TCF4: variants seen among roughly 807,000 people sequenced by gnomAD.
TCF4 encodes the protein transcription factor 4.
TCF4 carries 3 observed loss-of-function variants against 82.1 expected under a neutral mutation model. The ratio of observed to expected loss-of-function variants is 0.04; its 90% CI spans 0.02 to 0.09. TCF4 has a LOEUF of 0.09. TCF4 is among the 10% of genes least tolerant of loss of function. The probability of loss-of-function intolerance (pLI) is 1.00; values close to 1 mark genes in which losing one functional copy is unlikely to be tolerated. For missense variants in TCF4, 518 were observed against 852.7 expected (o/e 0.61, Z 4.89); for synonymous variants, 276 against 309.6 (o/e 0.89, Z 1.14).
chr18:55,410,122 T>C (rs2094283516), intron 5 of TCF4, among the ~76,000 whole-genome samples: 1 of 152,156 alleles, frequency 6.6e-6, no homozygotes, highest in East Asian at 1.9e-4. Context: ...ACTAGGCACA[T>C]AGCTTGTATG....
At chr18:55,383,716 A>G (rs1354539421) in intron 6 of TCF4, among the ~76,000 whole-genome samples, 1 of 152,244 alleles carries the variant, frequency 6.6e-6, no homozygotes. Context: ...ATGCTACTGC[A>G]TAAGAGATTC....
At chr18:55,433,059 C>T (rs576432398) in intron 5 of TCF4, among the ~76,000 whole-genome samples, 11 of 152,320 alleles carry the variant, frequency 7.2e-5, no homozygotes, top group Admixed American at 1.3e-4. Flanking sequence ...GTAGTGAATT[C>T]GGTAGTCATA....
At chr18:55,429,505 G>A (rs1166775829) in intron 5 of TCF4, among the ~76,000 whole-genome samples, 3 of 152,182 alleles carry the variant, frequency 2.0e-5, no homozygotes, top group Non-Finnish European at 4.4e-5. Context: ...GCTCACGCCT[G>A]TAATCCCAGC....
chr18:55,635,891 A>G (rs1384563135), exon 1 of TCF4: 1 of 1,570,048 alleles, frequency 6.4e-7, no homozygotes, highest in African/African-American at 1.4e-5. Context: ...AGCCTTTTAG[A>G]AAACATGGTG....
chr18:55,562,431 A>G (rs974261428), intron 3 of TCF4, among the ~76,000 whole-genome samples: 14 of 152,234 alleles, frequency 9.2e-5, no homozygotes, highest in Non-Finnish European at 1.5e-5. Flanking sequence ...CAAACCACGG[A>G]AATGTATATT....
chr18:55,434,577 G>C (rs1296442343), intron 5 of TCF4, among the ~76,000 whole-genome samples: 1 of 151,150 alleles, frequency 6.6e-6, no homozygotes, highest in Non-Finnish European at 1.5e-5. Flanking sequence ...CCGCCACCAC[G>C]CCCGGCTAAT....
chr18:55,339,469 G>C (rs2079346925), intron 8 of TCF4, among the ~76,000 whole-genome samples: 1 of 151,624 alleles, frequency 6.6e-6, no homozygotes, highest in Non-Finnish European at 1.5e-5. Context: ...TGGCTAAATC[G>C]GATCTATCGG....
intron 11 of TCF4, among the ~76,000 whole-genome samples, chr18:55,261,910 T>A (rs532535603): frequency 6.6e-6 from 1 of 152,346 alleles, no homozygotes; most frequent in South Asian, 2.1e-4. Context: ...TAAATGGAAT[T>A]ATCTTCACAA....
At chr18:55,586,164 GCAGCAGCAGCAGCAGCAGCAGCAGCAGC>G (rs1568465799) in intron 2 of TCF4, 20 of 331,348 alleles carry the variant, frequency 6.0e-5, no homozygotes, top group Admixed American at 1.4e-4. Context: ...AGCAGCAGCA[GCAGCAGCAGCAGCAGCAGCAGCAGCAGC>G]AGCAGCAGCA....
At chr18:55,311,700 G>C (rs1406839931) in intron 8 of TCF4, among the ~76,000 whole-genome samples, 1 of 152,126 alleles carries the variant, frequency 6.6e-6, no homozygotes, top group Non-Finnish European at 1.5e-5. Flanking sequence ...CTTTGACACA[G>C]GTAATGTATG....
chr18:55,323,283 C>T lies in TCF4; in HGVS notation c.549+27076G>A, dbSNP rs143505851. Among the ~76,000 whole-genome samples, 302 of 152,232 alleles carry T rather than the reference C, an allele frequency of 2.0e-3. 14 individuals are homozygous for T. In the East Asian group the frequency reaches 0.049, roughly 25 times the overall value. ...TTTGCATATGCCGAAGCAAATGCCACCCGAGCATACATCTATTCTCAAGAA... is the reference window on the plus strand; with the variant it reads ...TTTGCATATGCCGAAGCAAATGCCATCCGAGCATACATCTATTCTCAAGAA... On this transcript the variant is annotated intron_variant, in intron 8 of 19. Transcript: ENST00000354452.
intron 3 of TCF4, among the ~76,000 whole-genome samples, chr18:55,539,676 G>A (rs2097148431): frequency 6.6e-6 from 1 of 152,036 alleles, no homozygotes. Context: ...CCAAGATCTT[G>A]ACAAATAGAG....
intron 8 of TCF4, chr18:55,321,839 T>C: frequency 6.7e-7 from 1 of 1,487,570 alleles, no homozygotes; most frequent in Non-Finnish European, 8.9e-7. Context: ...CATTTTCCCA[T>C]ATGGCCGGGC....
intron 5 of TCF4, among the ~76,000 whole-genome samples, chr18:55,432,508 C>T (rs564381911): frequency 2.8e-4 from 42 of 152,152 alleles, no homozygotes; most frequent in African/African-American, 9.6e-4. Context: ...CCATCCCACA[C>T]ACACAGAAAG....
intron 15 of TCF4, 128 bp downstream of exon 15, chr18:55,254,369 G>T: frequency 1.2e-6 from 1 of 846,778 alleles, no homozygotes; most frequent in Non-Finnish European, 1.9e-6. Flanking sequence ...CCTGAAATGG[G>T]CTCATCGTAT....
Position 55,227,892 on chromosome 18 carries a change from G to T in TCF4, c.*143C>A. On this transcript the variant is annotated 3_prime_UTR_variant, in exon 20 of 20. Transcript: ENST00000354452. ...AATTGGGAATGCTGAAACCTCTTGC[G>T]TCTGCGATTCATAACTACTCAGACT... is the stretch of plus-strand genomic sequence containing the variant. The T allele has an allele frequency of 1.3e-5, 3 of 236,532 alleles. No homozygotes were observed. The highest frequency in any genetic ancestry group is 2.5e-5 in the Non-Finnish European group (3 of 119,254). 14.7% of individuals were successfully genotyped at this position (236,532 alleles called of 1,614,324 possible). A position where few individuals can be genotyped will look rare whatever the true frequency, so the allele number is the denominator to read the frequency against.
At chr18:55,249,921 T>A (rs528013925) in intron 15 of TCF4, among the ~76,000 whole-genome samples, 3 of 152,316 alleles carry the variant, frequency 2.0e-5, no homozygotes, top group East Asian at 3.9e-4. Context: ...CATCTGTGGA[T>A]GTGAATACTG....
intron 4 of TCF4, 118 bp downstream of exon 4, chr18:55,463,958 G>C (rs2095936867): frequency 2.5e-6 from 2 of 784,634 alleles, no homozygotes; most frequent in Non-Finnish European, 4.5e-6. Context: ...CTGTGTGTGT[G>C]TGTGTGTGTG....
At chr18:55,244,523 CACTT>C (rs1237520705) in intron 15 of TCF4, among the ~76,000 whole-genome samples, 1 of 152,150 alleles carries the variant, frequency 6.6e-6, no homozygotes, top group Non-Finnish European at 1.5e-5. Context: ...ATTGCTAGTG[CACTT>C]ACTTATTAAT....
Sources: allele counts gnomAD v4.1 joint callset (sites outside exome capture counted in the v4.1 genomes callset), GRCh38; gene constraint gnomAD v4.1.1; transcripts MANE v1.5; gene names NCBI Gene and HGNC (gene_info 2026-07-23, HGNC 2026-07-21).